The following ASIC2 variants were observed in gnomAD, a reference collection of about 807,000 sequenced individuals.
ASIC2 encodes acid sensing ion channel subunit 2.
Under a neutral mutation model 57.3 loss-of-function variants are expected in ASIC2, and 25 were observed. The observed-to-expected ratio is 0.44, with a 90% CI of 0.32 to 0.61. ASIC2 has a LOEUF of 0.61. Among genes scored for constraint, ASIC2 ranks in the 20% least tolerant of loss-of-function variants. ASIC2 has a pLI of 0.06. For missense variants in ASIC2, 641 were observed against 738.1 expected (o/e 0.87, Z 1.52); for synonymous variants, 319 against 307.5 (o/e 1.04, Z -0.39).
At chr17:33,811,690 G>A (rs1057358889) in intron 1 of ASIC2, among the ~76,000 whole-genome samples, 1 of 152,176 alleles carries the variant, frequency 6.6e-6, no homozygotes, top group Non-Finnish European at 1.5e-5. Context: ...ATAGTCTACT[G>A]AACTCACTCT....
chr17:33,409,009 T>C (rs1224602300), intron 1 of ASIC2, among the ~76,000 whole-genome samples: 3 of 151,902 alleles, frequency 2.0e-5, no homozygotes, highest in Non-Finnish European at 4.4e-5. Flanking sequence ...AGCTCAGGAG[T>C]TCGAGACCAG....
At chr17:33,332,577 T>G (rs925777801) in intron 1 of ASIC2, among the ~76,000 whole-genome samples, 1 of 152,160 alleles carries the variant, frequency 6.6e-6, no homozygotes, top group Non-Finnish European at 1.5e-5. Flanking sequence ...TATCTCTGGC[T>G]TTTGTTTCCT....
At chr17:33,897,072 G>A (rs1221289146) in intron 1 of ASIC2, among the ~76,000 whole-genome samples, 2 of 152,188 alleles carry the variant, frequency 1.3e-5, no homozygotes, top group Non-Finnish European at 2.9e-5. Context: ...CCATGGGTAG[G>A]CACATTGGGA....
intron 1 of ASIC2, among the ~76,000 whole-genome samples, chr17:33,441,654 GT>G (rs1911826837): frequency 6.6e-6 from 1 of 152,134 alleles, no homozygotes. Flanking sequence ...CCTCATTTCA[GT>G]GGTGCCCTCT....
intron 1 of ASIC2, among the ~76,000 whole-genome samples, chr17:33,687,738 A>G (rs79123438): frequency 0.017 from 2,602 of 152,294 alleles, 70 homozygotes; most frequent in African/African-American, 0.057. Context: ...TACGGCATTT[A>G]GTTGCAGGTC....
chr17:33,937,801 GT>G (rs1916100799), intron 1 of ASIC2, among the ~76,000 whole-genome samples: 1 of 152,116 alleles, frequency 6.6e-6, no homozygotes. Flanking sequence ...TTGTTTGTTT[GT>G]TTTCCCCCAC....
At chr17:33,816,688 C>G (rs1427312491) in intron 1 of ASIC2, 8 of 152,184 alleles carry the variant, frequency 5.3e-5, no homozygotes, top group Non-Finnish European at 1.2e-4. Context: ...GTCCTTGTCC[C>G]CTACTCACCA....
intron 1 of ASIC2, among the ~76,000 whole-genome samples, chr17:33,774,730 A>T (rs1418657893): frequency 6.6e-6 from 1 of 152,228 alleles, no homozygotes; most frequent in Non-Finnish European, 1.5e-5. Context: ...ACTCAAAATG[A>T]CTAGAATTCT....
At chr17:33,535,480 G>T (rs1228248412) in intron 1 of ASIC2, among the ~76,000 whole-genome samples, 1 of 151,832 alleles carries the variant, frequency 6.6e-6, no homozygotes, top group Non-Finnish European at 1.5e-5. Flanking sequence ...GTTTCATCGT[G>T]TTAGCCAGGA....
At chr17:33,799,443 T>C (rs1185563003) in intron 1 of ASIC2, among the ~76,000 whole-genome samples, 23 of 78,588 alleles carry the variant, frequency 2.9e-4, no homozygotes, top group African/African-American at 1.2e-3. Context: ...TCTTTCTTTC[T>C]TTCTTTCTTT....
intron 1 of ASIC2, among the ~76,000 whole-genome samples, chr17:33,855,244 C>T (rs1486516071): frequency 6.6e-6 from 1 of 152,176 alleles, no homozygotes; most frequent in Non-Finnish European, 1.5e-5. Flanking sequence ...AACTAGCCAA[C>T]TCCAGACTGG....
intron 1 of ASIC2, among the ~76,000 whole-genome samples, chr17:33,572,514 G>C (rs1567654750): frequency 6.6e-6 from 1 of 152,168 alleles, no homozygotes. Flanking sequence ...AGCATGGCAA[G>C]GAAAGGGGGA....
At chr17:33,209,768 G>T (rs914081225) in intron 1 of ASIC2, among the ~76,000 whole-genome samples, 3 of 152,208 alleles carry the variant, frequency 2.0e-5, no homozygotes, top group Non-Finnish European at 4.4e-5. Context: ...ATGAATAAAT[G>T]AATGCATGAA....
chr17:33,493,834 AG>A (rs1174193722), intron 1 of ASIC2, among the ~76,000 whole-genome samples: 1 of 152,218 alleles, frequency 6.6e-6, no homozygotes, highest in Admixed American at 6.5e-5. Context: ...AAACTCAAAA[AG>A]GATGAGTCGC....
intron 1 of ASIC2, among the ~76,000 whole-genome samples, chr17:34,043,168 G>A (rs1043609098): frequency 6.6e-6 from 1 of 152,200 alleles, no homozygotes; most frequent in African/African-American, 2.4e-5. Context: ...TAGGATGGGA[G>A]CTCCAGGGAT....
chr17:33,995,574 C>T (rs766448887), intron 1 of ASIC2, among the ~76,000 whole-genome samples: 4 of 151,926 alleles, frequency 2.6e-5, no homozygotes, highest in South Asian at 2.1e-4. Context: ...TATATATTCC[C>T]GGCATACCAT....
At chr17:34,116,997 T>C (rs1911445068) in intron 1 of ASIC2, among the ~76,000 whole-genome samples, 1 of 151,900 alleles carries the variant, frequency 6.6e-6, no homozygotes, top group African/African-American at 2.4e-5. Context: ...GTGTGGTGCA[T>C]GCATATGATG....
intron 1 of ASIC2, among the ~76,000 whole-genome samples, chr17:34,099,166 A>AGAG (rs1567820948): frequency 3.4e-4 from 2 of 5,956 alleles, no homozygotes; most frequent in East Asian, 3.5e-3. Context: ...GAGAGAGAGA[A>AGAG]AGAAAGAAAG....
chr17:33,212,315 G>A (rs921443094), intron 1 of ASIC2, among the ~76,000 whole-genome samples: 1 of 152,190 alleles, frequency 6.6e-6, no homozygotes, highest in African/African-American at 2.4e-5. Flanking sequence ...GGAGGCAGAA[G>A]GACATGTGAC....
Sources: gnomAD v4.1 joint callset for allele counts (sites outside exome capture counted in the v4.1 genomes callset) on GRCh38, gnomAD v4.1.1 for gene constraint, MANE v1.5 for transcripts, NCBI Gene and HGNC (gene_info 2026-07-23, HGNC 2026-07-21) for gene names.